Variants in ADAM23 observed in about 807,000 individuals in gnomAD.
ADAM23 encodes the protein ADAM metallopeptidase domain 23.
In ADAM23, 33 loss-of-function variants were observed where a neutral mutation model predicts 120.1. That is an observed-to-expected ratio of 0.27 (90% CI 0.21 to 0.37). ADAM23 has a LOEUF of 0.37. ADAM23 is among the 10% of genes least tolerant of loss of function. The probability of loss-of-function intolerance (pLI) is 1.00; values close to 1 mark genes in which losing one functional copy is unlikely to be tolerated. For missense variants in ADAM23, 862 were observed against 1,058.2 expected (o/e 0.81, Z 2.57); for synonymous variants, 367 against 375.2 (o/e 0.98, Z 0.25).
intron 21 of ADAM23, among the ~76,000 whole-genome samples, chr2:206,592,183 A>G (rs1041546533): frequency 2.0e-5 from 3 of 152,228 alleles, no homozygotes; most frequent in Non-Finnish European, 4.4e-5. Context: ...AAAGGTAGGA[A>G]GTAAGGATAG....
intron 3 of ADAM23, among the ~76,000 whole-genome samples, chr2:206,487,583 A>G (rs1444495139): frequency 6.6e-6 from 1 of 152,156 alleles, no homozygotes; most frequent in Non-Finnish European, 1.5e-5. Flanking sequence ...GCTATTGCGT[A>G]TATGTGGGTA....
At chr2:206,572,981 G>C in intron 17 of ADAM23, 134 bp from the exon 18 acceptor site, 1 of 833,910 alleles carries the variant, frequency 1.2e-6, no homozygotes, top group Non-Finnish European at 2.0e-6. Flanking sequence ...AGGATATTCT[G>C]TCTTGCTAAT....
At chr2:206,558,496 G>A (rs1697691404) in intron 10 of ADAM23, among the ~76,000 whole-genome samples, 2 of 152,148 alleles carry the variant, frequency 1.3e-5, no homozygotes, top group Non-Finnish European at 1.5e-5. Flanking sequence ...GGGCACAGCT[G>A]CACAAAACTA....
chr2:206,493,123 T>C (rs1210631213), intron 3 of ADAM23, among the ~76,000 whole-genome samples: 1 of 152,134 alleles, frequency 6.6e-6, no homozygotes, highest in Non-Finnish European at 1.5e-5. Flanking sequence ...AATTGTGTTG[T>C]TTTAGAACCA....
intron 18 of ADAM23, among the ~76,000 whole-genome samples, chr2:206,580,322 T>C (rs1322943074): frequency 6.6e-6 from 1 of 152,188 alleles, no homozygotes; most frequent in African/African-American, 2.4e-5. Flanking sequence ...CTTTCAACTT[T>C]TCCCCATTCA....
At chr2:206,463,361 C>G (rs1695466790) in intron 2 of ADAM23, among the ~76,000 whole-genome samples, 1 of 152,098 alleles carries the variant, frequency 6.6e-6, no homozygotes, top group Admixed American at 6.5e-5. Context: ...ATACAGACAG[C>G]CTTTAGAAGG....
chr2:206,563,300 A>C (rs1697807907), intron 13 of ADAM23, among the ~76,000 whole-genome samples: 1 of 152,226 alleles, frequency 6.6e-6, no homozygotes, highest in African/African-American at 2.4e-5. Flanking sequence ...AATCTACCTT[A>C]ATATCATTCT....
chr2:206,565,908 A>G (rs1697867207), intron 14 of ADAM23, among the ~76,000 whole-genome samples: 2 of 151,874 alleles, frequency 1.3e-5, no homozygotes, highest in African/African-American at 2.4e-5. Context: ...TAGGAGTCCA[A>G]CTCCTGGGGA....
chr2:206,565,208 A>G (rs1409808510), intron 14 of ADAM23, 140 bp downstream of exon 14: 1 of 720,978 alleles, frequency 1.4e-6, no homozygotes, highest in East Asian at 2.7e-5. Flanking sequence ...GATATTTTTA[A>G]ACTGAAAGAT....
chr2:206,599,918 G>T (rs1339330792), intron 24 of ADAM23, among the ~76,000 whole-genome samples: 1 of 152,192 alleles, frequency 6.6e-6, no homozygotes, highest in Non-Finnish European at 1.5e-5. Flanking sequence ...AATGCATGTT[G>T]TGGCCGGGCA....
chr2:206,608,564 A>G (rs757871012), intron 24 of ADAM23, among the ~76,000 whole-genome samples: 3 of 149,342 alleles, frequency 2.0e-5, no homozygotes, highest in African/African-American at 5.1e-5. Context: ...TATGGCTCTC[A>G]TTATTATTAT....
chr2:206,485,296 G>A (rs1002405732), intron 3 of ADAM23, among the ~76,000 whole-genome samples: 3 of 152,198 alleles, frequency 2.0e-5, no homozygotes, highest in African/African-American at 7.2e-5. Flanking sequence ...TCAGGAGAAT[G>A]TTTAAGTCAG....
chr2:206,465,482 AGT>A (rs1695524805), intron 2 of ADAM23, among the ~76,000 whole-genome samples: 1 of 152,230 alleles, frequency 6.6e-6, no homozygotes, highest in Non-Finnish European at 1.5e-5. Context: ...CCAAGATAAA[AGT>A]GTTAAATTTA....
intron 14 of ADAM23, among the ~76,000 whole-genome samples, chr2:206,566,183 CAT>C (rs953075142): frequency 6.7e-6 from 1 of 148,398 alleles, no homozygotes; most frequent in African/African-American, 2.5e-5. Context: ...ATATATATAA[CAT>C]ATAATATCTT....
chr2:206,475,786 G>A (rs1695762293), intron 2 of ADAM23, among the ~76,000 whole-genome samples: 1 of 151,948 alleles, frequency 6.6e-6, no homozygotes, highest in South Asian at 2.1e-4. Flanking sequence ...TCAAAAAAAG[G>A]TGATGTTTTA....
chr2:206,530,816 TG>T (rs1190997957), intron 3 of ADAM23, 68 bp from the exon 4 acceptor site: 1 of 1,413,644 alleles, frequency 7.1e-7, no homozygotes, highest in Non-Finnish European at 9.9e-7. Flanking sequence ...GTTCATTTAT[TG>T]AGCCGATTGT....
At chr2:206,613,776 G>C (rs780123994) in intron 25 of ADAM23, among the ~76,000 whole-genome samples, 2 of 152,182 alleles carry the variant, frequency 1.3e-5, no homozygotes, top group Non-Finnish European at 2.9e-5. Flanking sequence ...TATATGAAAA[G>C]AGAATTTCAT....
chr2:206,547,379 G>A (rs1290886742), intron 6 of ADAM23, 50 bp from the exon 7 acceptor site: 1 of 1,486,048 alleles, frequency 6.7e-7, no homozygotes, highest in Non-Finnish European at 9.3e-7. Context: ...GTTTCATAGA[G>A]GCTTGTTCAC....
chr2:206,574,377 T>C (rs1302078632), intron 18 of ADAM23, among the ~76,000 whole-genome samples: 1 of 151,902 alleles, frequency 6.6e-6, no homozygotes, highest in East Asian at 1.9e-4. Context: ...CATACCTTTA[T>C]TTTAGGAAAG....
Sources: gnomAD v4.1 joint callset for allele counts (sites outside exome capture counted in the v4.1 genomes callset) on GRCh38, gnomAD v4.1.1 for gene constraint, MANE v1.5 for transcripts, NCBI Gene and HGNC (gene_info 2026-07-23, HGNC 2026-07-21) for gene names.